The following SLC9A9 variants were observed in gnomAD, a reference collection of about 807,000 sequenced individuals.
SLC9A9 encodes the protein sodium/hydrogen exchanger 9.
SLC9A9 carries 62 observed loss-of-function variants against 77.8 expected under a neutral mutation model. The ratio of observed to expected loss-of-function variants is 0.80; its 90% CI spans 0.65 to 0.98. The LOEUF (loss-of-function observed/expected upper bound fraction) is 0.98, where lower values mean the gene tolerates loss of function less well. Ranked by LOEUF, SLC9A9 falls within the 50% of genes least tolerant of loss-of-function variation. The probability of loss-of-function intolerance (pLI) is 0.00; values close to 1 mark genes in which losing one functional copy is unlikely to be tolerated. For missense variants in SLC9A9, 775 were observed against 774.9 expected, an observed-to-expected ratio of 1.00 and a Z score of 0.00; for synonymous variants, 320 against 283.5, an observed-to-expected ratio of 1.13 and a Z score of -1.29.
intron 12 of SLC9A9, among the ~76,000 whole-genome samples, chr3:143,431,923 T>G (rs2034524761): frequency 6.6e-6 from 1 of 152,158 alleles, no homozygotes; most frequent in Non-Finnish European, 1.5e-5. Context: ...TTGCCACTGC[T>G]AAAATGCTCT....
intron 12 of SLC9A9, among the ~76,000 whole-genome samples, chr3:143,401,316 G>A (rs2033855148): frequency 1.3e-5 from 2 of 152,104 alleles, no homozygotes; most frequent in African/African-American, 4.8e-5. Flanking sequence ...TTCCCATTTG[G>A]GTATAGGGTG....
At chr3:143,723,891 A>G (rs1183953057) in intron 4 of SLC9A9, among the ~76,000 whole-genome samples, 1 of 152,198 alleles carries the variant, frequency 6.6e-6, no homozygotes, top group African/African-American at 2.4e-5. Context: ...TTCCCAGGTG[A>G]TTCGAATTTG....
At chr3:143,480,450 C>T (rs780066055) in intron 11 of SLC9A9, among the ~76,000 whole-genome samples, 5 of 152,220 alleles carry the variant, frequency 3.3e-5, no homozygotes, top group Non-Finnish European at 4.4e-5. Context: ...TTGTCTGCTT[C>T]GTCACAGCAA....
chr3:143,795,314 G>A (rs2108858493), intron 3 of SLC9A9, among the ~76,000 whole-genome samples: 1 of 148,382 alleles, frequency 6.7e-6, no homozygotes, highest in South Asian at 2.1e-4. Flanking sequence ...ACTGGAAGAT[G>A]AGTAGGTAGG....
intron 14 of SLC9A9, among the ~76,000 whole-genome samples, chr3:143,326,518 C>T (rs569927080): frequency 1.3e-4 from 20 of 152,240 alleles, no homozygotes; most frequent in East Asian, 3.9e-4. Flanking sequence ...ACTCAGCTCC[C>T]CTCTACAACG....
chr3:143,597,292 C>T (rs1332268031), intron 6 of SLC9A9, among the ~76,000 whole-genome samples: 1 of 152,128 alleles, frequency 6.6e-6, no homozygotes, highest in Non-Finnish European at 1.5e-5. Flanking sequence ...TCTTGGGGGG[C>T]TCGGCTCGGC....
intron 4 of SLC9A9, among the ~76,000 whole-genome samples, chr3:143,782,266 G>T (rs2007905118): frequency 6.6e-6 from 1 of 152,136 alleles, no homozygotes; most frequent in South Asian, 2.1e-4. Context: ...CCTAAGTAAG[G>T]TATTAAATCT....
intron 14 of SLC9A9, among the ~76,000 whole-genome samples, chr3:143,334,302 T>A (rs2031861262): frequency 6.6e-6 from 1 of 152,210 alleles, no homozygotes; most frequent in African/African-American, 2.4e-5. Context: ...ATTTTAAAGA[T>A]AAGGTCTCTG....
Position 143,796,896 on chromosome 3 carries a change from A to G in SLC9A9, c.386T>C (p.Phe129Ser). ...AACATTGAAGAAGATTTCTGGATCA[A>G]ATGTCATCTGCCAGAAAGGAAAAAA... ...QGNAILEKMT[F>S]DPEIFFNVLL... Residue 129 changes from phenylalanine (F) to serine (S), a missense_variant, in exon 3 of 16, where the codon TTT becomes TCT. Coordinates refer to ENST00000316549, the MANE Select transcript of SLC9A9 (RefSeq NM_173653.4). 1.2e-6 allele frequency: 2 copies of G among 1,612,144 alleles called. No homozygotes were observed. Among genetic ancestry groups the G allele is most frequent in the Non-Finnish European group, 1.7e-6 (2 of 1,178,642 alleles).
intron 6 of SLC9A9, among the ~76,000 whole-genome samples, chr3:143,640,852 AAAAACAAAAC>A (rs2038609485): frequency 6.6e-6 from 1 of 152,192 alleles, no homozygotes; most frequent in South Asian, 2.1e-4. Flanking sequence ...ACCTTGTCTC[AAAAACAAAAC>A]AAAACAAAAT....
chr3:143,360,375 G>A (rs967984537), intron 14 of SLC9A9, among the ~76,000 whole-genome samples: 5 of 152,084 alleles, frequency 3.3e-5, no homozygotes, highest in East Asian at 1.9e-4. Flanking sequence ...TGCTGCCCAC[G>A]TTGAATCATA....
intron 4 of SLC9A9, among the ~76,000 whole-genome samples, chr3:143,785,282 A>G (rs2008011649): frequency 6.6e-6 from 1 of 152,222 alleles, no homozygotes; most frequent in African/African-American, 2.4e-5. Context: ...ACTGGACCTC[A>G]AGAGGCCTTG....
chr3:143,791,597 G>A (rs1249384692), intron 4 of SLC9A9, among the ~76,000 whole-genome samples: 1 of 152,118 alleles, frequency 6.6e-6, no homozygotes, highest in Non-Finnish European at 1.5e-5. Context: ...TCTCCATCCT[G>A]GAACTTTGCA....
chr3:143,579,441 T>C (rs1480492527), intron 6 of SLC9A9, among the ~76,000 whole-genome samples: 1 of 152,190 alleles, frequency 6.6e-6, no homozygotes, highest in Non-Finnish European at 1.5e-5. Flanking sequence ...ATTGAGGATG[T>C]CATATAAGCT....
At chr3:143,831,879 A>G in intron 2 of SLC9A9, 140 bp downstream of exon 2, 1 of 758,028 alleles carries the variant, frequency 1.3e-6, no homozygotes. Flanking sequence ...CTCCTTAGTC[A>G]ATTAACGTCT....
chr3:143,546,275 C>T lies in SLC9A9; in HGVS notation c.1089+6087G>A, dbSNP rs531457335. The stretch of plus-strand genomic sequence containing the variant: ...GCATTGCTGCTTTTCCATTCAATGG[C>T]GATAAACACTATAAATATCATCTGG... On this transcript the variant is annotated intron_variant, in intron 9 of 15. Coordinates refer to ENST00000316549, the MANE Select transcript of SLC9A9 (RefSeq NM_173653.4). Among the ~76,000 whole-genome samples, 12 of 152,128 alleles carry T rather than the reference C, an allele frequency of 7.9e-5. No homozygotes were observed. In the East Asian group the frequency reaches 9.6e-4, roughly 12 times the overall value.
chr3:143,376,901 G>A (rs78986126), intron 13 of SLC9A9, among the ~76,000 whole-genome samples: 109 of 152,206 alleles, frequency 7.2e-4, no homozygotes, highest in East Asian at 6.4e-3. Flanking sequence ...TTTGAGACTC[G>A]TATTCTATTT....
At chr3:143,629,633 C>G (rs1250154662) in intron 6 of SLC9A9, among the ~76,000 whole-genome samples, 1 of 151,262 alleles carries the variant, frequency 6.6e-6, no homozygotes, top group Non-Finnish European at 1.5e-5. Flanking sequence ...GATCTACTAG[C>G]TATAATAGTC....
chr3:143,562,556 A>G (rs1478668499), intron 8 of SLC9A9, among the ~76,000 whole-genome samples: 2 of 151,992 alleles, frequency 1.3e-5, no homozygotes, highest in East Asian at 1.9e-4. Flanking sequence ...AATAAACTCT[A>G]TGCTTAATTG....
Sources: allele counts gnomAD v4.1 joint callset (sites outside exome capture counted in the v4.1 genomes callset), GRCh38; gene constraint gnomAD v4.1.1; transcripts MANE v1.5; gene names NCBI Gene and HGNC (gene_info 2026-07-23, HGNC 2026-07-21).